Variants in WDR33 observed in about 807,000 individuals in gnomAD.
The protein encoded by WDR33 is WD repeat domain 33, also known as pre-mRNA 3' end processing protein WDR33.
Under a neutral mutation model 164.9 loss-of-function variants are expected in WDR33, and 47 were observed. The observed-to-expected ratio is 0.29, with a 90% CI of 0.23 to 0.36. WDR33 has a LOEUF of 0.36. Ranked by LOEUF, WDR33 falls within the 10% of genes least tolerant of loss-of-function variation. WDR33 has a pLI of 1.00. For synonymous variants in WDR33, 505 were observed against 589.0 expected, an observed-to-expected ratio of 0.86 and a Z score of 2.06; for missense variants, 1,137 against 1,754.1, an observed-to-expected ratio of 0.65 and a Z score of 6.28.
At chr2:127,737,934 C>A in intron 7 of WDR33, 1 of 1,573,720 alleles carries the variant, frequency 6.4e-7, no homozygotes, top group South Asian at 1.2e-5. Flanking sequence ...TATGTTTTGC[C>A]AGAATCTTCT....
At position 127,723,364 on chromosome 2, in the gene WDR33, A is replaced by C; in HGVS notation, c.1197-17T>G. The C allele has an allele frequency of 1.2e-6, 2 of 1,610,656 alleles. No individual in the cohort carries two copies. Among genetic ancestry groups the C allele is most frequent in the Non-Finnish European group, 1.7e-6 (2 of 1,177,700 alleles). ...CAGAATTTGCTGTAAAAATAATTAA[A>C]GGAGAAAAGAAGCATGGCTTCACTA... On this transcript the variant is annotated splice_polypyrimidine_tract_variant and intron_variant, in intron 11 of 21. Coordinates refer to ENST00000322313, the MANE Select transcript of WDR33 (RefSeq NM_018383.5). This position sits in a 1 kb window ranked among gnomAD's most constrained non-coding sequence, Gnocchi z 5.9.
chr2:127,750,173 C>T (rs892815937), intron 7 of WDR33, among the ~76,000 whole-genome samples: 45 of 151,966 alleles, frequency 3.0e-4, no homozygotes, highest in African/African-American at 8.5e-4. Flanking sequence ...CACAGGCACA[C>T]GCCACCACAC....
chr2:127,797,803 G>T (rs1689091529), intron 1 of WDR33, among the ~76,000 whole-genome samples: 1 of 152,152 alleles, frequency 6.6e-6, no homozygotes, highest in Admixed American at 6.5e-5. Context: ...CCCGAGCTCA[G>T]AAGTTCGAGA....
At position 127,713,629 on chromosome 2, in the gene WDR33, G is replaced by C; in HGVS notation, c.3262C>G (p.Pro1088Ala). Residue 1088 changes from proline to alanine, a missense_variant, in exon 18 of 22, where the codon CCC (proline) becomes GCC (alanine). Physicochemically the swap from Pro to Ala is conservative, Grantham distance 27. This residue lies in a region of WDR33 where 867 missense variants were observed against 1,073.0 expected (regional missense o/e 0.81). Coordinates refer to ENST00000322313, the MANE Select transcript of WDR33 (RefSeq NM_018383.5). The surrounding 1 kb of genome is among the most constrained non-coding windows in gnomAD (Gnocchi z 6.2). ...AAACGTGGGTCCTCGGGATCCCGGG[G>C]GAAACGTTCATCTCCGGGCCTGCGG... ...EGRRPGDERFPRDPEDPRFRG... is the reference protein window; with the variant it reads ...EGRRPGDERFARDPEDPRFRG... The C allele has an allele frequency of 6.2e-7, 1 of 1,614,276 alleles. No homozygotes were observed. The highest frequency in any genetic ancestry group is 8.5e-7 in the Non-Finnish European group (1 of 1,180,058).
rs770787157 is a variant in WDR33, at chr2:127,716,423, C to T, written c.2869+732G>A. ...TTCTCCCCGTTATGAAAGTGTGTGT[C>T]GAACATAACACAGTGTTTCCTCTCA... On this transcript the variant is annotated intron_variant, in intron 17 of 21. Transcript: ENST00000322313. This position sits in a 1 kb window ranked among gnomAD's most constrained non-coding sequence, Gnocchi z 4.5. Among the ~76,000 whole-genome samples, 8 of 152,116 alleles carry T rather than the reference C, an allele frequency of 5.3e-5. No individual in the cohort carries two copies. The highest frequency in any genetic ancestry group is 1.3e-4 in the Admixed American group (2 of 15,274).
Position 127,722,533 on chromosome 2 carries a change from C to A in WDR33, c.1518+58G>T. 1 of 1,579,270 alleles carries A rather than the reference C, an allele frequency of 6.3e-7. No individual in the cohort carries two copies. The highest frequency in any genetic ancestry group is 1.2e-5 in the South Asian group (1 of 84,406). ...AACAGTGAGATAATCCAAGAGAAAC[C>A]TCAAACTAACCAACCAAAACCTCTC... On this transcript the variant is annotated intron_variant, in intron 14 of 21. Coordinates refer to ENST00000322313, the MANE Select transcript of WDR33 (RefSeq NM_018383.5). The surrounding 1 kb of genome is among the most constrained non-coding windows in gnomAD (Gnocchi z 5.1).
chr2:127,781,966 C>A lies in WDR33; in HGVS notation c.-23-10962G>T, dbSNP rs1004874035. On this transcript the variant is annotated intron_variant, in intron 1 of 21. Transcript: ENST00000322313. ...TGAGCCAAGATTGCGCCATTGCACT[C>A]CAGCCTGGGCAAGAAGAGCGAAACT... Among the ~76,000 whole-genome samples, 8 of 143,824 alleles carry A rather than the reference C, an allele frequency of 5.6e-5. 1 individual carries two copies. Among genetic ancestry groups the A allele is most frequent in the Non-Finnish European group, 1.2e-4 (8 of 66,682 alleles). The allele number at this position is 143,824 out of a possible 152,430, so 94.4% of individuals were successfully genotyped here.
At position 127,707,934 on chromosome 2, in the gene WDR33, G is replaced by A. The variant is rs574358134; in HGVS notation, c.3781+743C>T. On this transcript the variant is annotated intron_variant, in intron 21 of 21. Transcript: ENST00000322313. ...AGATCACACCACTGCACTCCAGCCTGGGCGACAGAAAAAAACCCAAAAAGA... is the reference window on the plus strand; with the variant it reads ...AGATCACACCACTGCACTCCAGCCTAGGCGACAGAAAAAAACCCAAAAAGA... 3.3e-4 allele frequency among the ~76,000 whole-genome samples: 51 copies of A among 152,248 alleles called. No homozygotes were observed. In the Middle Eastern group the frequency reaches 0.01, roughly 30 times the overall value.
At position 127,720,632 on chromosome 2, in the gene WDR33, G is replaced by C. The variant is rs751830919; in HGVS notation, c.1672-279C>G. Among the ~76,000 whole-genome samples the C allele has an allele frequency of 6.6e-6, 1 of 150,438 alleles. No homozygotes were observed. The highest frequency in any genetic ancestry group is 2.5e-5 in the African/African-American group (1 of 40,814). On this transcript the variant is annotated intron_variant, in intron 15 of 21. Coordinates refer to ENST00000322313, the MANE Select transcript of WDR33 (RefSeq NM_018383.5). The surrounding 1 kb of genome is among the most constrained non-coding windows in gnomAD (Gnocchi z 5.9). The stretch of plus-strand genomic sequence containing the variant: ...CAAGCTGGAATGCAGTGGTACGATC[G>C]TGGTTCACTACAGCCTCACCCTCCT...
intron 1 of WDR33, among the ~76,000 whole-genome samples, chr2:127,804,605 AT>A (rs1689368325): frequency 6.6e-6 from 1 of 152,222 alleles, no homozygotes; most frequent in African/African-American, 2.4e-5. Flanking sequence ...AATGTTAAAA[AT>A]GGGTGAATCA....
intron 7 of WDR33, 141 bp downstream of exon 7, chr2:127,762,921 T>A: frequency 7.0e-7 from 1 of 1,430,148 alleles, no homozygotes; most frequent in Non-Finnish European, 9.2e-7. Flanking sequence ...AAGTGCTGGG[T>A]TTTTTTGAAG....
intron 1 of WDR33, among the ~76,000 whole-genome samples, chr2:127,781,778 C>G (rs1688377586): frequency 6.6e-6 from 1 of 151,252 alleles, no homozygotes; most frequent in South Asian, 2.1e-4. Context: ...GTAGGCAGAT[C>G]ACCTGAGGTC....
rs773274158 is a variant in WDR33 at position 127,701,490 on chromosome 2, G to C, written c.*4833C>G. The C allele has an allele frequency of 7.9e-6, 10 of 1,270,774 alleles. No individual in the cohort carries two copies. In the South Asian group the frequency reaches 2.2e-4, roughly 28 times the overall value. The allele number at this position is 1,270,774 out of a possible 1,614,324, so 78.7% of individuals were successfully genotyped here. On this transcript the variant is annotated 3_prime_UTR_variant, in exon 22 of 22. Coordinates refer to ENST00000322313, the MANE Select transcript of WDR33 (RefSeq NM_018383.5). ...ACCGCTTCAGCGGAGGGCCGGAAGT[G>C]AGCCGCAGCTTTTCCTTTCTGCCAC...
At chr2:127,752,813 T>C (rs1687411292) in intron 7 of WDR33, among the ~76,000 whole-genome samples, 1 of 152,222 alleles carries the variant, frequency 6.6e-6, no homozygotes, top group Non-Finnish European at 1.5e-5. Context: ...TAAATTTTTA[T>C]CAGCAAAAGA....
Position 127,720,281 on chromosome 2 carries a change from G to A in WDR33, c.1744C>T (p.Leu582Phe). 2 of 1,529,784 alleles carry A rather than the reference G, an allele frequency of 1.3e-6. No homozygotes were observed. The highest frequency in any genetic ancestry group is 1.8e-6 in the Non-Finnish European group (2 of 1,138,970). 94.8% of individuals were successfully genotyped at this position (1,529,784 alleles called of 1,614,324 possible). A position where few individuals can be genotyped will look rare whatever the true frequency, so the allele number is the denominator to read the frequency against. Residue 582 changes from leucine (L) to phenylalanine (F), a missense_variant, in exon 16 of 22, where the codon CTC (leucine) becomes TTC (phenylalanine). By Grantham distance (22) the Leu-to-Phe change is conservative. Coordinates refer to ENST00000322313, the MANE Select transcript of WDR33 (RefSeq NM_018383.5). The surrounding 1 kb of genome is among the most constrained non-coding windows in gnomAD (Gnocchi z 5.9). ...IQPPPSSGTP[L>F]LGPQPFPGQG... ...CCTGGAAAAGGCTGGGGTCCGAGGAGAGGGGTGCCAGATGAGGGAGGAGGC... is the reference window on the plus strand; with the variant it reads ...CCTGGAAAAGGCTGGGGTCCGAGGAAAGGGGTGCCAGATGAGGGAGGAGGC...
intron 7 of WDR33, among the ~76,000 whole-genome samples, chr2:127,761,899 C>A (rs978241000): frequency 1.3e-5 from 2 of 152,138 alleles, no homozygotes; most frequent in African/African-American, 4.8e-5. Flanking sequence ...ACAAAATGTG[C>A]CAAGTCAGGA....
intron 1 of WDR33, among the ~76,000 whole-genome samples, chr2:127,794,090 G>A (rs192513918): frequency 4.2e-4 from 64 of 152,122 alleles, no homozygotes; most frequent in African/African-American, 1.4e-3. Flanking sequence ...CGAGGCTACA[G>A]TGAGCCAAGA....
At chr2:127,778,051 T>C (rs781695970) in intron 1 of WDR33, among the ~76,000 whole-genome samples, 1 of 152,112 alleles carries the variant, frequency 6.6e-6, no homozygotes, top group Non-Finnish European at 1.5e-5. Flanking sequence ...CCCAAAACTT[T>C]GAGAGGCCAA....
chr2:127,755,608 GC>G (rs1394099554), intron 7 of WDR33, among the ~76,000 whole-genome samples: 1 of 152,216 alleles, frequency 6.6e-6, no homozygotes, highest in Non-Finnish European at 1.5e-5. Context: ...ATGCATGTGT[GC>G]GTACCTGTGG....
Sources: gnomAD v4.1 joint callset for allele counts (sites outside exome capture counted in the v4.1 genomes callset) on GRCh38, gnomAD v4.1.1 for gene constraint, gnomAD v4.1.1 regional missense constraint, Gnocchi (gnomAD v3.1) non-coding constraint, MANE v1.5 for transcripts, NCBI Gene and HGNC (gene_info 2026-07-23, HGNC 2026-07-21) for gene names.